The following TOP1 variants were observed in gnomAD, a reference collection of about 807,000 sequenced individuals.
TOP1 encodes the protein DNA topoisomerase 1.
A neutral mutation model predicts 111.1 loss-of-function variants in TOP1; 10 were observed. The observed-to-expected ratio is 0.09, with a 90% CI of 0.06 to 0.15. The LOEUF (loss-of-function observed/expected upper bound fraction) is 0.15, where lower values mean the gene tolerates loss of function less well. TOP1 is among the 10% of genes least tolerant of loss of function. TOP1 has a pLI of 1.00. For synonymous variants in TOP1, 271 were observed against 302.9 expected, an observed-to-expected ratio of 0.89 and a Z score of 1.10; for missense variants, 474 against 926.7, an observed-to-expected ratio of 0.51 and a Z score of 6.34.
intron 8 of TOP1, among the ~76,000 whole-genome samples, chr20:41,084,999 A>G (rs2145940843): frequency 6.6e-6 from 1 of 152,280 alleles, no homozygotes; most frequent in Non-Finnish European, 1.5e-5. Context: ...GAAGCAAGAC[A>G]TAACCAGAGC....
In TOP1 at chr20:41,122,683, A is replaced by G. The variant is rs1214133877; in HGVS notation, c.2196-512A>G. Among the ~76,000 whole-genome samples, 1 of 152,220 alleles carries G rather than the reference A, an allele frequency of 6.6e-6. No individual in the cohort carries two copies. The highest frequency in any genetic ancestry group is 6.5e-5 in the Admixed American group (1 of 15,280). Reference sequence around the variant, plus strand: ...AACATCTGAAACAAGTGGCTTTGTTATGGAAGATGTTTAGTTTGAGCTGTT... The same window carrying G: ...AACATCTGAAACAAGTGGCTTTGTTGTGGAAGATGTTTAGTTTGAGCTGTT... On this transcript the variant is annotated intron_variant, in intron 20 of 20. Coordinates refer to ENST00000361337, the MANE Select transcript of TOP1 (RefSeq NM_003286.4). This position sits in a 1 kb window ranked among gnomAD's most constrained non-coding sequence, Gnocchi z 5.4.
chr20:41,106,624 T>C lies in TOP1; in HGVS notation c.1308+5271T>C, dbSNP rs2034149773. ...AGGTTTTACATTTAAAAAATTCTTA[T>C]TTTTAAGTGATCTTATAGTTTTTAT... is the stretch of plus-strand genomic sequence containing the variant. On this transcript the variant is annotated intron_variant, in intron 13 of 20. Coordinates refer to ENST00000361337, the MANE Select transcript of TOP1 (RefSeq NM_003286.4). The surrounding 1 kb of genome is among the most constrained non-coding windows in gnomAD (Gnocchi z 4.3). 6.6e-6 allele frequency among the ~76,000 whole-genome samples: 1 copy of C among 152,220 alleles called. No homozygotes were observed. The highest frequency in any genetic ancestry group is 2.4e-5 in the African/African-American group (1 of 41,462).
chr20:41,093,215 A>G (rs1165475297), intron 9 of TOP1, among the ~76,000 whole-genome samples: 1 of 152,120 alleles, frequency 6.6e-6, no homozygotes, highest in East Asian at 1.9e-4. Context: ...GGTTTGAAGG[A>G]TTTGAGGGTA....
At chr20:41,035,899 C>A in intron 2 of TOP1, among the ~76,000 whole-genome samples, 1 of 152,180 alleles carries the variant, frequency 6.6e-6, no homozygotes, top group Non-Finnish European at 1.5e-5. Flanking sequence ...TTGTGGATCT[C>A]ATTGGCTAAG....
At position 41,102,088 on chromosome 20, in the gene TOP1, A is replaced by G. The variant is rs114255246; in HGVS notation, c.1308+735A>G. ...AAAACACAGTCAAGGAATTAGTTCT[A>G]TGTAGACTGTTAACTGTTTTATGTG... is the stretch of plus-strand genomic sequence containing the variant. On this transcript the variant is annotated intron_variant, in intron 13 of 20. Coordinates refer to ENST00000361337, the MANE Select transcript of TOP1 (RefSeq NM_003286.4). The surrounding 1 kb of genome is among the most constrained non-coding windows in gnomAD (Gnocchi z 4.0). Among the ~76,000 whole-genome samples, 5 of 152,322 alleles carry G rather than the reference A, an allele frequency of 3.3e-5. No homozygotes were observed. Among genetic ancestry groups the G allele is most frequent in the African/African-American group, 1.2e-4 (5 of 41,584 alleles).
Position 41,080,216 on chromosome 20 carries a change from A to G in TOP1, c.431+36A>G, listed in dbSNP as rs765560427. ...TCTTAAAACTTTGACTTTTGAAAAC[A>G]AAAAGGAGGAGTTTAAAGAATAAAT... On this transcript the variant is annotated intron_variant, in intron 6 of 20. Transcript: ENST00000361337. The surrounding 1 kb of genome is among the most constrained non-coding windows in gnomAD (Gnocchi z 5.0). 8.0e-6 allele frequency: 10 copies of G among 1,254,772 alleles called. No homozygotes were observed. The highest frequency in any genetic ancestry group is 1.0e-5 in the Non-Finnish European group (9 of 876,076). The allele number at this position is 1,254,772 out of a possible 1,614,324, so 77.7% of individuals were successfully genotyped here. A position where few individuals can be genotyped will look rare whatever the true frequency, so the allele number is the denominator to read the frequency against.
chr20:41,118,349 G>C lies in TOP1; in HGVS notation c.1950+53G>C. On this transcript the variant is annotated intron_variant, in intron 18 of 20. Transcript: ENST00000361337. The surrounding 1 kb of genome is among the most constrained non-coding windows in gnomAD (Gnocchi z 4.6). ...TGTCTGCTGTGGGCAGATTATCTGC[G>C]AATGAGAGGATTCAGGGCTGAGATA... The C allele has an allele frequency of 1.2e-6, 2 of 1,600,126 alleles. No homozygotes were observed. Among genetic ancestry groups the C allele is most frequent in the Non-Finnish European group, 1.7e-6 (2 of 1,169,840 alleles).
rs76170649 is a variant in TOP1, at chr20:41,114,714, G to A, written c.1638+559G>A. ...CTGACTGAGTGAAAGGTTAATGTTA[G>A]TCCCCAGATCTCTGAGCCCATCACT... is the stretch of plus-strand genomic sequence containing the variant. On this transcript the variant is annotated intron_variant, in intron 15 of 20. Transcript: ENST00000361337. This position sits in a 1 kb window ranked among gnomAD's most constrained non-coding sequence, Gnocchi z 4.5. 2.6e-5 allele frequency among the ~76,000 whole-genome samples: 4 copies of A among 152,280 alleles called. No homozygotes were observed. Among genetic ancestry groups the A allele is most frequent in the Non-Finnish European group, 5.9e-5 (4 of 68,014 alleles).
At chr20:41,036,177 T>A (rs2122587648) in intron 2 of TOP1, among the ~76,000 whole-genome samples, 1 of 152,342 alleles carries the variant, frequency 6.6e-6, no homozygotes, top group Admixed American at 6.5e-5. Context: ...GATAACATGC[T>A]GCCTTGGTCC....
At chr20:41,040,319 C>T (rs902054391) in intron 2 of TOP1, among the ~76,000 whole-genome samples, 1 of 152,150 alleles carries the variant, frequency 6.6e-6, no homozygotes, top group Non-Finnish European at 1.5e-5. Flanking sequence ...ACTTACTGTG[C>T]CTTAATCATA....
In TOP1 at chr20:41,112,682, C is replaced by A; in HGVS notation, c.1309-100C>A. 1 of 1,328,226 alleles carries A rather than the reference C, an allele frequency of 7.5e-7. No homozygotes were observed. The allele number at this position is 1,328,226 out of a possible 1,614,324, so 82.3% of individuals were successfully genotyped here. On this transcript the variant is annotated intron_variant, in intron 13 of 20. Coordinates refer to ENST00000361337, the MANE Select transcript of TOP1 (RefSeq NM_003286.4). This position sits in a 1 kb window ranked among gnomAD's most constrained non-coding sequence, Gnocchi z 5.8. The stretch of plus-strand genomic sequence containing the variant: ...GTGTCTTAGCCTCCCTATTAGCTAG[C>A]TGGGATTATAGGCTTGCGCCACCTT...
At chr20:41,074,736 C>T (rs1373317677) in intron 3 of TOP1, among the ~76,000 whole-genome samples, 1 of 152,178 alleles carries the variant, frequency 6.6e-6, no homozygotes, top group Non-Finnish European at 1.5e-5. Context: ...AGTCAAGTGT[C>T]CCTTTAGAAC....
rs971441311 is a variant in TOP1 at position 41,058,164 on chromosome 20, C to T, written c.59-3230C>T. The stretch of plus-strand genomic sequence containing the variant: ...CATGCAGATTTCTATTTTCCCAGGG[C>T]CTGACACAGAATAGATGCTCAGCAG... On this transcript the variant is annotated intron_variant, in intron 2 of 20. Coordinates refer to ENST00000361337, the MANE Select transcript of TOP1 (RefSeq NM_003286.4). This position sits in a 1 kb window ranked among gnomAD's most constrained non-coding sequence, Gnocchi z 4.2. 3.3e-5 allele frequency among the ~76,000 whole-genome samples: 5 copies of T among 152,284 alleles called. No individual in the cohort carries two copies. The highest frequency in any genetic ancestry group is 2.9e-5 in the Non-Finnish European group (2 of 68,034).
chr20:41,041,909 T>G (rs6016504), intron 2 of TOP1, among the ~76,000 whole-genome samples: 74,458 of 141,120 alleles, frequency 0.53, 20,649 homozygotes, highest in Non-Finnish European at 0.64. Context: ...TGATGATGAT[T>G]ATTATTATTA....
chr20:41,071,042 G>A lies in TOP1; in HGVS notation c.156-5129G>A, dbSNP rs1482232670. Among the ~76,000 whole-genome samples, 1 of 152,192 alleles carries A rather than the reference G, an allele frequency of 6.6e-6. No individual in the cohort carries two copies. Among genetic ancestry groups the A allele is most frequent in the African/African-American group, 2.4e-5 (1 of 41,448 alleles). ...TCAAGTATCTGTTAAATACTTTTAT[G>A]GGGGATAGAGGACAGATTTAAATGG... On this transcript the variant is annotated intron_variant, in intron 3 of 20. Coordinates refer to ENST00000361337, the MANE Select transcript of TOP1 (RefSeq NM_003286.4). This position sits in a 1 kb window ranked among gnomAD's most constrained non-coding sequence, Gnocchi z 4.3.
rs1249976271 is a variant in TOP1, at chr20:41,116,428, T to TA, written c.1822+37dup. 1 of 1,503,198 alleles carries TA rather than the reference T, an allele frequency of 6.7e-7. No homozygotes were observed. The highest frequency in any genetic ancestry group is 2.3e-5 in the East Asian group (1 of 44,294). The allele number at this position is 1,503,198 out of a possible 1,614,324, so 93.1% of individuals were successfully genotyped here. A position where few individuals can be genotyped will look rare whatever the true frequency, so the allele number is the denominator to read the frequency against. On this transcript the variant is annotated intron_variant, in intron 17 of 20. Transcript: ENST00000361337. The surrounding 1 kb of genome is among the most constrained non-coding windows in gnomAD (Gnocchi z 5.6). ...CTTGGCCAGATAGGGCCCACACCCC[T>TA]ACTAATGGTATCCGGTGACCTTGCT...
Position 41,080,117 on chromosome 20 carries a change from A to G in TOP1, c.368A>G (p.Asp123Gly). ...PPQIKDEPEDDGYFVPPKEDI... is the reference protein window; with the variant it reads ...PPQIKDEPEDGGYFVPPKEDI... ...CAAATTAAAGATGAACCTGAAGATG[A>G]TGGCTATTTTGTTCCTCCTAAAGAG... Residue 123 changes from aspartate (D) to glycine (G), a missense_variant, in exon 6 of 21, where the codon GAT (aspartate) becomes GGT (glycine). By Grantham distance (94) the Asp-to-Gly change is moderately conservative. Around this residue, in one of 14 missense-constraint regions of TOP1, gnomAD observed 185 missense variants for 226.3 expected, o/e 0.82. Transcript: ENST00000361337. The surrounding 1 kb of genome is among the most constrained non-coding windows in gnomAD (Gnocchi z 5.0). The G allele has an allele frequency of 6.2e-7, 1 of 1,611,820 alleles. No homozygotes were observed. The highest frequency in any genetic ancestry group is 8.5e-7 in the Non-Finnish European group (1 of 1,179,038).
intron 2 of TOP1, among the ~76,000 whole-genome samples, chr20:41,039,704 C>G (rs1256923287): frequency 6.6e-6 from 1 of 151,998 alleles, no homozygotes; most frequent in Non-Finnish European, 1.5e-5. Flanking sequence ...GTCAGGAGAT[C>G]GAGACCATCC....
rs2145925623 is a variant in TOP1 at position 41,058,884 on chromosome 20, A to G, written c.59-2510A>G. ...ATCTTTTAAAAAATAATGCTAGGCT[A>G]TTCACAGTAGCAGAAACATGGAATC... On this transcript the variant is annotated intron_variant, in intron 2 of 20. Coordinates refer to ENST00000361337, the MANE Select transcript of TOP1 (RefSeq NM_003286.4). This position sits in a 1 kb window ranked among gnomAD's most constrained non-coding sequence, Gnocchi z 4.2. Among the ~76,000 whole-genome samples the G allele has an allele frequency of 6.6e-6, 1 of 152,322 alleles. No individual in the cohort carries two copies. Among genetic ancestry groups the G allele is most frequent in the East Asian group, 1.9e-4 (1 of 5,186 alleles).
Sources: gnomAD v4.1 joint callset for allele counts (sites outside exome capture counted in the v4.1 genomes callset) on GRCh38, gnomAD v4.1.1 for gene constraint, gnomAD v4.1.1 regional missense constraint, Gnocchi (gnomAD v3.1) non-coding constraint, MANE v1.5 for transcripts, NCBI Gene and HGNC (gene_info 2026-07-23, HGNC 2026-07-21) for gene names.